KCNMA1: variants seen among roughly 807,000 people sequenced by gnomAD.
KCNMA1 encodes potassium calcium-activated channel subfamily M alpha 1.
Under a neutral mutation model 140.0 loss-of-function variants are expected in KCNMA1, and 29 were observed. The observed-to-expected ratio is 0.21, with a 90% CI of 0.15 to 0.28. KCNMA1 has a LOEUF of 0.28. Ranked by LOEUF, KCNMA1 falls within the 10% of genes least tolerant of loss-of-function variation. The probability of loss-of-function intolerance (pLI) is 1.00; values close to 1 mark genes in which losing one functional copy is unlikely to be tolerated. For missense variants in KCNMA1, 880 were observed against 1,602.2 expected (o/e 0.55, Z 7.70); for synonymous variants, 612 against 611.9 (o/e 1.00, Z 0.00).
At chr10:77,581,038 T>C (rs2075723228) in intron 1 of KCNMA1, among the ~76,000 whole-genome samples, 1 of 152,234 alleles carries the variant, frequency 6.6e-6, no homozygotes, top group Non-Finnish European at 1.5e-5. Context: ...CTTGGCTTAA[T>C]GCTCTGCTAT....
At chr10:77,068,948 A>T (rs1288076095) in intron 14 of KCNMA1, among the ~76,000 whole-genome samples, 4 of 151,868 alleles carry the variant, frequency 2.6e-5, no homozygotes, top group Admixed American at 2.6e-4. Flanking sequence ...ATGATAGCAC[A>T]ATTCATGAAG....
At chr10:76,987,162 T>G (rs1439532182) in intron 19 of KCNMA1, among the ~76,000 whole-genome samples, 1 of 152,124 alleles carries the variant, frequency 6.6e-6, no homozygotes, top group African/African-American at 2.4e-5. Flanking sequence ...CAACAGAGTT[T>G]ACATGTTAAT....
At chr10:76,891,851 C>A in intron 25 of KCNMA1, 132 bp from the exon 26 acceptor site, 1 of 752,730 alleles carries the variant, frequency 1.3e-6, no homozygotes, top group South Asian at 1.5e-5. Flanking sequence ...CAAATAATTT[C>A]ATGTGGGGAG....
intron 25 of KCNMA1, among the ~76,000 whole-genome samples, chr10:76,909,398 CT>C (rs1456741867): frequency 3.9e-5 from 6 of 152,132 alleles, no homozygotes; most frequent in African/African-American, 1.4e-4. Flanking sequence ...AAGCATGAAC[CT>C]GATTATGTCA....
At chr10:76,883,497 G>T (rs1486766275), downstream of KCNMA1, among the ~76,000 whole-genome samples, 4 of 152,120 alleles carry the variant, frequency 2.6e-5, no homozygotes, top group Non-Finnish European at 5.9e-5. Context: ...TAGGGACACT[G>T]ATGATGCCAC....
chr10:77,117,556 A>AAG (rs1554837305), intron 6 of KCNMA1, among the ~76,000 whole-genome samples: 4 of 150,438 alleles, frequency 2.7e-5, no homozygotes, highest in Non-Finnish European at 5.9e-5. Context: ...AAAAAAAAAA[A>AAG]AAAAAAAAAG....
chr10:77,541,209 C>T (rs899651567), intron 1 of KCNMA1, among the ~76,000 whole-genome samples: 20 of 151,928 alleles, frequency 1.3e-4, no homozygotes, highest in African/African-American at 4.1e-4. Flanking sequence ...ACGAATTAAA[C>T]GTACCTATTA....
chr10:77,135,328 A>C (rs2097985444), intron 5 of KCNMA1, among the ~76,000 whole-genome samples: 1 of 152,204 alleles, frequency 6.6e-6, no homozygotes, highest in African/African-American at 2.4e-5. Context: ...GTTATTATCG[A>C]AAAGACAAAA....
chr10:76,889,654 C>G (rs2039013136), intron 26 of KCNMA1, 85 bp from the exon 27 acceptor site: 1 of 1,096,318 alleles, frequency 9.1e-7, no homozygotes, highest in East Asian at 2.4e-5. Flanking sequence ...GTCTTTTCAT[C>G]AAAGCTTGTT....
Position 76,910,058 on chromosome 10 carries a change from C to A in KCNMA1, c.3055G>T (p.Asp1019Tyr). ...TNVQFLDQDDDDDPDTELYLT... is the reference protein window; with the variant it reads ...TNVQFLDQDDYDDPDTELYLT... ...TACAGTTCTGTATCAGGGTCATCATCATCGTCTTGGTCCAAAAACTGAACA... is the reference window on the plus strand; with the variant it reads ...TACAGTTCTGTATCAGGGTCATCATAATCGTCTTGGTCCAAAAACTGAACA... The change falls in exon 25 of 28, where the codon GAT (aspartate) becomes TAT (tyrosine). Residue 1019 changes from aspartate (D) to tyrosine (Y), a missense_variant. By Grantham distance (160) the Asp-to-Tyr change is radical (BLOSUM62 -3). Transcript: ENST00000286628. 1 of 1,614,112 alleles carries A rather than the reference C, an allele frequency of 6.2e-7. No individual in the cohort carries two copies. The highest frequency in any genetic ancestry group is 1.7e-4 in the Middle Eastern group (1 of 6,060).
At chr10:77,547,860 T>C (rs1241756124) in intron 1 of KCNMA1, among the ~76,000 whole-genome samples, 3 of 152,176 alleles carry the variant, frequency 2.0e-5, no homozygotes, top group Non-Finnish European at 4.4e-5. Context: ...CCTATTTTTA[T>C]AAATAAAGTT....
chr10:77,029,167 C>T (rs1208699836), intron 15 of KCNMA1, among the ~76,000 whole-genome samples: 1 of 152,120 alleles, frequency 6.6e-6, no homozygotes, highest in Non-Finnish European at 1.5e-5. Context: ...AGAATAAAAG[C>T]TCACATAAAC....
intron 3 of KCNMA1, among the ~76,000 whole-genome samples, chr10:77,204,680 G>A (rs1335181001): frequency 6.6e-6 from 1 of 152,160 alleles, no homozygotes; most frequent in African/African-American, 2.4e-5. Context: ...TCCTCGACAT[G>A]GTTTGGTGCC....
chr10:77,275,475 A>G, intron 2 of KCNMA1, among the ~76,000 whole-genome samples: 1 of 152,180 alleles, frequency 6.6e-6, no homozygotes, highest in South Asian at 2.1e-4. Flanking sequence ...GAAAACTGGG[A>G]CCCAGAGAGG....
intron 2 of KCNMA1, among the ~76,000 whole-genome samples, chr10:77,402,196 A>G (rs992198861): frequency 1.3e-5 from 2 of 152,202 alleles, no homozygotes; most frequent in Non-Finnish European, 2.9e-5. Flanking sequence ...TTAAGTTTCC[A>G]ATGCAGAATC....
chr10:77,013,567 C>G (rs563330516), intron 17 of KCNMA1, among the ~76,000 whole-genome samples: 1 of 152,324 alleles, frequency 6.6e-6, no homozygotes, highest in African/African-American at 2.4e-5. Flanking sequence ...AACTCTGCGT[C>G]CACTTCCTTT....
At chr10:77,143,858 T>A (rs914896773) in intron 5 of KCNMA1, among the ~76,000 whole-genome samples, 2 of 152,006 alleles carry the variant, frequency 1.3e-5, no homozygotes, top group African/African-American at 2.4e-5. Context: ...GAAATAAAAA[T>A]TAAAACTACA....
At chr10:77,555,203 C>T (rs996723818) in intron 1 of KCNMA1, among the ~76,000 whole-genome samples, 1 of 152,174 alleles carries the variant, frequency 6.6e-6, no homozygotes, top group Non-Finnish European at 1.5e-5. Context: ...GTGACTGATA[C>T]ACTTCAGGGC....
At chr10:77,492,000 G>A (rs1425984083) in intron 1 of KCNMA1, among the ~76,000 whole-genome samples, 1 of 152,160 alleles carries the variant, frequency 6.6e-6, no homozygotes, top group Non-Finnish European at 1.5e-5. Flanking sequence ...GAATGGGCGA[G>A]CATCTTGTAC....
Sources: gnomAD v4.1 joint callset for allele counts (sites outside exome capture counted in the v4.1 genomes callset) on GRCh38, gnomAD v4.1.1 for gene constraint, MANE v1.5 for transcripts, NCBI Gene and HGNC (gene_info 2026-07-23, HGNC 2026-07-21) for gene names.